The following PLXDC2 variants were observed in gnomAD, a reference collection of about 807,000 sequenced individuals.
The protein encoded by PLXDC2 is plexin domain containing 2.
PLXDC2 carries 40 observed loss-of-function variants against 68.9 expected under a neutral mutation model. That is an observed-to-expected ratio of 0.58 (90% CI 0.45 to 0.76). PLXDC2 has a LOEUF of 0.76. Ranked by LOEUF, PLXDC2 falls within the 30% of genes least tolerant of loss-of-function variation. PLXDC2 has a pLI of 0.00. For missense variants in PLXDC2, 644 were observed against 661.9 expected, an observed-to-expected ratio of 0.97 and a Z score of 0.30; for synonymous variants, 243 against 234.2, an observed-to-expected ratio of 1.04 and a Z score of -0.34.
intron 1 of PLXDC2, among the ~76,000 whole-genome samples, chr10:19,827,533 A>C (rs566697661): frequency 6.6e-6 from 1 of 151,028 alleles, no homozygotes; most frequent in South Asian, 2.1e-4. Context: ...CAAGTACCAC[A>C]GGGCTTCATA....
chr10:20,076,810 C>G (rs1355374599), intron 4 of PLXDC2, among the ~76,000 whole-genome samples: 1 of 152,180 alleles, frequency 6.6e-6, no homozygotes, highest in Admixed American at 6.5e-5. Context: ...TCCGCTTGAT[C>G]ACCATGGCTA....
chr10:20,168,523 A>G (rs945663088), intron 7 of PLXDC2, among the ~76,000 whole-genome samples: 1 of 152,134 alleles, frequency 6.6e-6, no homozygotes, highest in Non-Finnish European at 1.5e-5. Flanking sequence ...CTTTCTGACT[A>G]TGTTGATGTG....
In PLXDC2 at chr10:20,049,295, G is replaced by T. The variant is rs542779874; in HGVS notation, c.471+2280G>T. The stretch of plus-strand genomic sequence containing the variant: ...AGCTGAAACATTCCCCTTGAAAACT[G>T]GCACAACACAAGGATGACCTCTGTC... On this transcript the variant is annotated intron_variant, in intron 3 of 13. Coordinates refer to ENST00000377252, the MANE Select transcript of PLXDC2 (RefSeq NM_032812.9). Among the ~76,000 whole-genome samples, 51 of 152,134 alleles carry T rather than the reference G, an allele frequency of 3.4e-4. 1 individual carries two copies. The South Asian group carries it at 9.7e-3, about 29-fold the overall frequency.
intron 2 of PLXDC2, among the ~76,000 whole-genome samples, chr10:20,038,110 C>A (rs1420740523): frequency 1.3e-5 from 2 of 152,032 alleles, no homozygotes; most frequent in African/African-American, 4.8e-5. Flanking sequence ...GTGGCACATG[C>A]CTGTAGTCCC....
In PLXDC2 at chr10:20,126,773, T is replaced by TATATGTATATAGAACACAC. The variant is rs1491238588; in HGVS notation, c.542-16522_542-16521insATATGTATATAGAACACAC. ...GTTATATATGTATATAGAACACACA[T>TATATGTATATAGAACACAC]GTTATATATGTATATAGAACACACG... On this transcript the variant is annotated intron_variant, in intron 4 of 13. Transcript: ENST00000377252. 1.4e-3 allele frequency among the ~76,000 whole-genome samples: 15 copies of TATATGTATATAGAACACAC among 10,648 alleles called. 1 individual carries two copies. The highest frequency in any genetic ancestry group is 2.2e-3 in the African/African-American group (5 of 2,310). 7.0% of individuals were successfully genotyped at this position (10,648 alleles called of 152,430 possible).
In PLXDC2 at chr10:19,849,207, A is replaced by G. The variant is rs539090837; in HGVS notation, c.112+32016A>G. ...TGTAGATAATGGAAATAAAAAATAA[A>G]TAACAATAACATAATTCAAATGCAT... On this transcript the variant is annotated intron_variant, in intron 1 of 13. Transcript: ENST00000377252. 4.6e-5 allele frequency among the ~76,000 whole-genome samples: 7 copies of G among 152,352 alleles called. No homozygotes were observed. In the East Asian group the frequency reaches 1.3e-3, roughly 29 times the overall value.
intron 1 of PLXDC2, among the ~76,000 whole-genome samples, chr10:19,989,413 A>G (rs1834707310): frequency 6.6e-6 from 1 of 152,190 alleles, no homozygotes; most frequent in Non-Finnish European, 1.5e-5. Flanking sequence ...CAATTCAGTA[A>G]TAGTTTATGG....
intron 2 of PLXDC2, among the ~76,000 whole-genome samples, chr10:20,028,744 T>C (rs550309925): frequency 1.3e-5 from 2 of 152,294 alleles, no homozygotes; most frequent in South Asian, 4.1e-4. Flanking sequence ...TAACCCAGTA[T>C]GAGCTATTAT....
intron 9 of PLXDC2, among the ~76,000 whole-genome samples, chr10:20,189,686 G>A (rs1834738834): frequency 6.6e-6 from 1 of 150,732 alleles, no homozygotes; most frequent in African/African-American, 2.4e-5. Flanking sequence ...CCTCTGGAAA[G>A]ATAGTACTTG....
intron 1 of PLXDC2, among the ~76,000 whole-genome samples, chr10:19,928,189 A>G (rs560293154): frequency 1.3e-5 from 2 of 152,224 alleles, no homozygotes; most frequent in East Asian, 3.9e-4. Flanking sequence ...TTGTCCACTC[A>G]TTGGTTGATG....
intron 4 of PLXDC2, chr10:20,070,752 C>T (rs1451797020): frequency 1.3e-5 from 2 of 152,210 alleles, no homozygotes; most frequent in Non-Finnish European, 2.9e-5. Context: ...TAACTATGAA[C>T]CATATGTGCT....
intron 1 of PLXDC2, among the ~76,000 whole-genome samples, chr10:19,897,120 G>T (rs895321448): frequency 2.6e-4 from 40 of 151,720 alleles, no homozygotes; most frequent in African/African-American, 9.2e-4. Flanking sequence ...AGCTCTTTTT[G>T]TCTGTGAGTA....
Position 20,068,206 on chromosome 10 carries a change from C to G in PLXDC2, c.508C>G (p.His170Asp). ...NLSFDFPFYGHFLREITVATG... is the reference protein window; with the variant it reads ...NLSFDFPFYGDFLREITVATG... ...GTCCTTCGATTTTCCATTTTATGGC[C>G]ACTTCCTACGTGAAATCACTGTGGC... The change falls in exon 4 of 14, where the codon CAC becomes GAC. Residue 170 changes from histidine (H) to aspartate (D), a missense_variant. His to Asp is a moderately conservative substitution (Grantham distance 81, BLOSUM62 -1). Transcript: ENST00000377252. 1 of 1,613,240 alleles carries G rather than the reference C, an allele frequency of 6.2e-7. No individual in the cohort carries two copies. Among genetic ancestry groups the G allele is most frequent in the Non-Finnish European group, 8.5e-7 (1 of 1,179,578 alleles).
At chr10:20,061,251 C>T (rs908576041) in intron 3 of PLXDC2, among the ~76,000 whole-genome samples, 2 of 152,130 alleles carry the variant, frequency 1.3e-5, no homozygotes, top group African/African-American at 4.8e-5. Flanking sequence ...ATTTATGTGT[C>T]AAATATTCTA....
chr10:20,264,666 A>T (rs985848554), intron 13 of PLXDC2, among the ~76,000 whole-genome samples: 1 of 152,102 alleles, frequency 6.6e-6, no homozygotes, highest in African/African-American at 2.4e-5. Context: ...ATGGAAGAGT[A>T]AATAAACACA....
At chr10:20,175,658 A>G (rs562518558) in intron 7 of PLXDC2, among the ~76,000 whole-genome samples, 3 of 152,120 alleles carry the variant, frequency 2.0e-5, no homozygotes. Flanking sequence ...ACCAGACCCC[A>G]TTTTTACAAA....
At chr10:19,916,115 G>C (rs990816456) in intron 1 of PLXDC2, among the ~76,000 whole-genome samples, 9 of 148,750 alleles carry the variant, frequency 6.1e-5, no homozygotes, top group African/African-American at 2.3e-4. Flanking sequence ...AAATTATGTG[G>C]AGGGAGTTGT....
At chr10:19,956,280 G>T (rs1229118804) in intron 1 of PLXDC2, among the ~76,000 whole-genome samples, 1 of 152,124 alleles carries the variant, frequency 6.6e-6, no homozygotes, top group East Asian at 1.9e-4. Flanking sequence ...GTGCAGGGGG[G>T]TGTCTCAGCA....
intron 2 of PLXDC2, among the ~76,000 whole-genome samples, chr10:20,008,176 T>C (rs1835056937): frequency 6.6e-6 from 1 of 152,224 alleles, no homozygotes; most frequent in Admixed American, 6.5e-5. Context: ...ACAAGGTCAT[T>C]GTGTGGGCTC....
Sources: gnomAD v4.1 joint callset for allele counts (sites outside exome capture counted in the v4.1 genomes callset) on GRCh38, gnomAD v4.1.1 for gene constraint, MANE v1.5 for transcripts, NCBI Gene and HGNC (gene_info 2026-07-23, HGNC 2026-07-21) for gene names.